Variants in LRRTM4 observed in about 807,000 individuals in gnomAD.
LRRTM4 encodes the protein leucine rich repeat transmembrane neuronal 4.
Under a neutral mutation model 47.6 loss-of-function variants are expected in LRRTM4, and 25 were observed. The observed-to-expected ratio is 0.53, with a 90% CI of 0.38 to 0.73. The LOEUF is 0.73. Among genes scored for constraint, LRRTM4 ranks in the 30% least tolerant of loss-of-function variants. The probability of loss-of-function intolerance (pLI) is 0.00; values close to 1 mark genes in which losing one functional copy is unlikely to be tolerated. For missense variants in LRRTM4, 638 were observed against 713.4 expected (o/e 0.89, Z 1.20); for synonymous variants, 311 against 269.5 (o/e 1.15, Z -1.51).
chr2:76,951,916 A>T (rs186808069), intron 3 of LRRTM4, among the ~76,000 whole-genome samples: 53 of 152,070 alleles, frequency 3.5e-4, no homozygotes, highest in African/African-American at 1.3e-3. Context: ...TTTGCTGAGA[A>T]TGATGTCTTC....
At chr2:76,910,341 T>C (rs1043857378) in intron 3 of LRRTM4, among the ~76,000 whole-genome samples, 1 of 96,326 alleles carries the variant, frequency 1.0e-5, no homozygotes, top group African/African-American at 4.1e-5. Context: ...CTCTGGGGAC[T>C]GTTGTGGGGT....
chr2:77,148,222 G>A (rs922835655), intron 3 of LRRTM4, among the ~76,000 whole-genome samples: 2 of 152,110 alleles, frequency 1.3e-5, no homozygotes, highest in Non-Finnish European at 1.5e-5. Flanking sequence ...TTGGATTGCT[G>A]TTGATTTCAG....
At chr2:77,329,809 G>T (rs1670903376) in intron 3 of LRRTM4, among the ~76,000 whole-genome samples, 1 of 152,236 alleles carries the variant, frequency 6.6e-6, no homozygotes, top group African/African-American at 2.4e-5. Context: ...ACTTATAGAG[G>T]GGGCAGCATT....
intron 3 of LRRTM4, among the ~76,000 whole-genome samples, chr2:77,418,816 G>T (rs2103876639): frequency 6.6e-6 from 1 of 152,182 alleles, no homozygotes; most frequent in Admixed American, 6.5e-5. Flanking sequence ...TATCTATCTT[G>T]TTTCAATTTA....
chr2:76,893,681 A>G (rs1363305533), intron 3 of LRRTM4, among the ~76,000 whole-genome samples: 1 of 151,832 alleles, frequency 6.6e-6, no homozygotes, highest in Non-Finnish European at 1.5e-5. Flanking sequence ...GAAGATGAGA[A>G]TATTGCCTGG....
intron 3 of LRRTM4, among the ~76,000 whole-genome samples, chr2:76,802,811 A>G (rs929979404): frequency 6.6e-5 from 10 of 152,144 alleles, no homozygotes; most frequent in East Asian, 3.8e-4. Flanking sequence ...TTTACAGTCA[A>G]TTGGTTTTTG....
chr2:76,912,582 T>G (rs1674106691), intron 3 of LRRTM4, among the ~76,000 whole-genome samples: 1 of 152,214 alleles, frequency 6.6e-6, no homozygotes, highest in Admixed American at 6.5e-5. Flanking sequence ...TTAATTTATA[T>G]GCAGCCAAAA....
chr2:77,453,427 G>A (rs374753691), intron 3 of LRRTM4, among the ~76,000 whole-genome samples: 12 of 152,068 alleles, frequency 7.9e-5, no homozygotes, highest in African/African-American at 1.9e-4. Context: ...TGATCCTCCC[G>A]CCTCAGCCTC....
chr2:77,010,125 A>G (rs997482193), intron 3 of LRRTM4, among the ~76,000 whole-genome samples: 2 of 152,054 alleles, frequency 1.3e-5, no homozygotes, highest in African/African-American at 4.8e-5. Context: ...TCATAGAAGT[A>G]TCTATTTTTG....
chr2:77,117,157 ATTCTT>A (rs1285337835), intron 3 of LRRTM4, among the ~76,000 whole-genome samples: 1 of 152,070 alleles, frequency 6.6e-6, no homozygotes, highest in Non-Finnish European at 1.5e-5. Context: ...GCTAAATGGT[ATTCTT>A]TTGTATGGTT....
chr2:76,778,551 G>C (rs1193464755), intron 3 of LRRTM4, among the ~76,000 whole-genome samples: 1 of 151,744 alleles, frequency 6.6e-6, no homozygotes, highest in African/African-American at 2.4e-5. Flanking sequence ...TTTGCGTAGA[G>C]GTGTTTGTAG....
intron 3 of LRRTM4, among the ~76,000 whole-genome samples, chr2:77,278,161 C>G (rs1292805343): frequency 6.6e-6 from 1 of 151,972 alleles, no homozygotes; most frequent in Admixed American, 6.6e-5. Flanking sequence ...TCCTGTCTAG[C>G]ACGTCTTCAG....
intron 3 of LRRTM4, among the ~76,000 whole-genome samples, chr2:76,850,398 T>C (rs1236367832): frequency 6.6e-6 from 1 of 152,176 alleles, no homozygotes; most frequent in Non-Finnish European, 1.5e-5. Flanking sequence ...ATTAGAACTG[T>C]AAAAATTGGA....
intron 3 of LRRTM4, among the ~76,000 whole-genome samples, chr2:77,457,267 C>T (rs745482716): frequency 2.0e-5 from 3 of 151,746 alleles, no homozygotes; most frequent in Non-Finnish European, 4.4e-5. Flanking sequence ...CTGTTTTTCT[C>T]TCAGATTTTT....
chr2:77,006,215 A>C (rs996036937), intron 3 of LRRTM4, among the ~76,000 whole-genome samples: 2 of 152,156 alleles, frequency 1.3e-5, no homozygotes. Context: ...GCTTAGAATA[A>C]AATGGACCTT....
At chr2:76,842,935 A>G (rs1474139851) in intron 3 of LRRTM4, among the ~76,000 whole-genome samples, 3 of 152,198 alleles carry the variant, frequency 2.0e-5, no homozygotes, top group Non-Finnish European at 4.4e-5. Context: ...TTGTAAATAT[A>G]TAGTTGGAGT....
chr2:76,903,822 G>A (rs975912215), intron 3 of LRRTM4, among the ~76,000 whole-genome samples: 29 of 152,226 alleles, frequency 1.9e-4, no homozygotes, highest in Middle Eastern at 3.4e-3. Flanking sequence ...TAGAAAGGTG[G>A]CATCGAGAAA....
At chr2:77,200,322 A>C (rs1673938304) in intron 3 of LRRTM4, among the ~76,000 whole-genome samples, 3 of 152,290 alleles carry the variant, frequency 2.0e-5, no homozygotes, top group Middle Eastern at 3.4e-3. Context: ...TGTAACTTTC[A>C]AATCAAAAGT....
At chr2:77,258,404 A>G (rs1357672964) in intron 3 of LRRTM4, among the ~76,000 whole-genome samples, 1 of 152,064 alleles carries the variant, frequency 6.6e-6, no homozygotes, top group African/African-American at 2.4e-5. Context: ...TCATGAATGT[A>G]CTCATGCAAT....
Sources: gnomAD v4.1 joint callset for allele counts (sites outside exome capture counted in the v4.1 genomes callset) on GRCh38, gnomAD v4.1.1 for gene constraint, MANE v1.5 for transcripts, NCBI Gene and HGNC (gene_info 2026-07-23, HGNC 2026-07-21) for gene names.